Variants in ZNF638 observed in about 807,000 individuals in gnomAD.
ZNF638 encodes zinc finger protein 638, also known as CTCL tumor antigen se33-1.
A neutral mutation model predicts 195.6 loss-of-function variants in ZNF638; 46 were observed. That is an observed-to-expected ratio of 0.24 (90% confidence interval 0.19 to 0.30). ZNF638 has a LOEUF of 0.30. ZNF638 is among the 10% of genes least tolerant of loss of function. ZNF638 has a pLI of 1.00. For missense variants in ZNF638, 2,440 were observed against 2,325.3 expected, an observed-to-expected ratio of 1.05 and a Z score of -1.01; for synonymous variants, 845 against 772.0, an observed-to-expected ratio of 1.09 and a Z score of -1.57.
intron 20 of ZNF638, 156 bp from the exon 21 acceptor site, chr2:71,418,446 A>G (rs1219796830): frequency 2.4e-6 from 1 of 425,288 alleles, no homozygotes; most frequent in Non-Finnish European, 4.1e-6. Context: ...AAATTCTAGA[A>G]CCTGATAGTA....
At chr2:71,380,330 TAA>T in intron 9 of ZNF638, 50 bp downstream of exon 9, 5 of 1,369,716 alleles carry the variant, frequency 3.7e-6, no homozygotes, top group Non-Finnish European at 5.0e-6. Flanking sequence ...GCATATGACT[TAA>T]GAAATTTTAA....
chr2:71,362,188 A>G (rs2104259943), intron 3 of ZNF638, among the ~76,000 whole-genome samples: 1 of 151,978 alleles, frequency 6.6e-6, no homozygotes, highest in African/African-American at 2.4e-5. Flanking sequence ...TTGCTTCTTA[A>G]TCTTTTATTA....
At position 71,422,807 on chromosome 2, in the gene ZNF638, C is replaced by G; in HGVS notation, c.3300-7C>G. The G allele has an allele frequency of 6.2e-7, 1 of 1,602,342 alleles. No individual in the cohort carries two copies. On this transcript the variant is annotated splice_region_variant and splice_polypyrimidine_tract_variant and intron_variant, in intron 21 of 27. Coordinates refer to ENST00000264447, the MANE Select transcript of ZNF638 (RefSeq NM_014497.5). ...TGTTCTTTTTGTTTGTTTTTAAATA[C>G]TTTTAGCCCTGGCTTGAAAAACAGT...
At chr2:71,410,592 A>G (rs369548713) in intron 20 of ZNF638, among the ~76,000 whole-genome samples, 15 of 152,300 alleles carry the variant, frequency 9.8e-5, no homozygotes, top group African/African-American at 2.2e-4. Flanking sequence ...CATTGTTTCA[A>G]TGTCCTAGTT....
rs185187282 is a variant in ZNF638, at chr2:71,376,674, C to T, written c.2266-3548C>T. ...CTAGCTGTGTTTCATGTAACATCTT[C>T]TCCATTTTGCTGCTTCTATGAATCT... On this transcript the variant is annotated intron_variant, in intron 8 of 27. Coordinates refer to ENST00000264447, the MANE Select transcript of ZNF638 (RefSeq NM_014497.5). Among the ~76,000 whole-genome samples the T allele has an allele frequency of 4.6e-5, 7 of 151,406 alleles. No individual in the cohort carries two copies. The East Asian group carries it at 1.4e-3, about 30-fold the overall frequency.
At position 71,427,226 on chromosome 2, in the gene ZNF638, G is replaced by C; in HGVS notation, c.5357G>C (p.Gly1786Ala). ...GATGAAGTTGGAGAGGAGGAAGATGGAGATAATGATTTAAAAGTTGAGTTA... is the reference window on the plus strand; with the variant it reads ...GATGAAGTTGGAGAGGAGGAAGATGCAGATAATGATTTAAAAGTTGAGTTA... The part of the protein sequence containing the change: ...TVDEVGEEED[G>A]DNDLKVELAQ... The change falls in exon 24 of 28, where the codon GGA becomes GCA. Residue 1786 changes from glycine to alanine, a missense_variant. Transcript: ENST00000264447. 1 of 1,612,420 alleles carries C rather than the reference G, an allele frequency of 6.2e-7. No individual in the cohort carries two copies. The highest frequency in any genetic ancestry group is 8.5e-7 in the Non-Finnish European group (1 of 1,179,588).
chr2:71,375,422 G>A (rs982815529), intron 8 of ZNF638: 1 of 152,186 alleles, frequency 6.6e-6, no homozygotes, highest in Non-Finnish European at 1.5e-5. Context: ...ATCCTCATTT[G>A]TAAGATGGTT....
At chr2:71,414,063 C>CTCCT (rs1466930662) in intron 20 of ZNF638, among the ~76,000 whole-genome samples, 1 of 142,928 alleles carries the variant, frequency 7.0e-6, no homozygotes, top group Non-Finnish European at 1.5e-5. Flanking sequence ...GTACCAGTTC[C>CTCCT]TCCTTGTACC....
At chr2:71,352,129 A>C (rs1219437652) in intron 2 of ZNF638, among the ~76,000 whole-genome samples, 1 of 152,148 alleles carries the variant, frequency 6.6e-6, no homozygotes, top group Non-Finnish European at 1.5e-5. Flanking sequence ...AGAAGACTTC[A>C]TGGAGTAGGT....
chr2:71,418,887 T>A lies in ZNF638; in HGVS notation c.3299+248T>A, dbSNP rs2419079. 0.48 allele frequency among the ~76,000 whole-genome samples: 73,002 copies of A among 152,028 alleles called. 19,073 individuals carry two copies. Among genetic ancestry groups the A allele is most frequent in the Admixed American group, 0.62 (9,504 of 15,274 alleles). On this transcript the variant is annotated intron_variant, in intron 21 of 27. Coordinates refer to ENST00000264447, the MANE Select transcript of ZNF638 (RefSeq NM_014497.5). ...TAGAGTAACTGCGTATATAAACAGT[T>A]TGAATTAAATAAACCACTTTATAAA...
In ZNF638 at chr2:71,431,416, G is replaced by C; in HGVS notation, c.5740G>C (p.Asp1914His). The change falls in exon 26 of 28, where the codon GAT becomes CAT. Residue 1914 changes from aspartate to histidine, a missense_variant. This residue lies in a region of ZNF638 where 1,883 missense variants were observed against 1,739.1 expected (regional missense o/e 1.08). Transcript: ENST00000264447. ...DSSSGKSVASDVPEELDFLVP... is the reference protein window; with the variant it reads ...DSSSGKSVASHVPEELDFLVP... ...TTCTTCAGGCAAATCAGTGGCGTCT[G>C]ATGTCCCTGAGGGTAAAGTTAAAAT... 6.2e-7 allele frequency: 1 copy of C among 1,613,750 alleles called. No individual in the cohort carries two copies. Among genetic ancestry groups the C allele is most frequent in the Non-Finnish European group, 8.5e-7 (1 of 1,179,778 alleles).
At chr2:71,380,059 A>G in intron 8 of ZNF638, 163 bp from the exon 9 acceptor site, 1 of 448,946 alleles carries the variant, frequency 2.2e-6, no homozygotes, top group Non-Finnish European at 4.0e-6. Flanking sequence ...GATGAGATGT[A>G]AAATTAGGCT....
Position 71,388,467 on chromosome 2 carries a change from G to T in ZNF638, c.2378-7674G>T. 6 of 691,068 alleles carry T rather than the reference G, an allele frequency of 8.7e-6. No individual in the cohort carries two copies. The South Asian group carries it at 9.0e-5, about 10-fold the overall frequency. 42.8% of individuals were successfully genotyped at this position (691,068 alleles called of 1,614,324 possible). On this transcript the variant is annotated intron_variant, in intron 10 of 27. Transcript: ENST00000264447. ...TACCCACAGATTGTGTTGGCTCCAG[G>T]CCTTTGTCATTAAATCTGTACTAAA...
chr2:71,340,571 A>C (rs555165921), intron 1 of ZNF638, among the ~76,000 whole-genome samples: 3 of 152,352 alleles, frequency 2.0e-5, no homozygotes, highest in Admixed American at 6.5e-5. Context: ...AGCAGTATCA[A>C]ATGAGGTATA....
chr2:71,379,020 GT>G (rs2079486709), intron 8 of ZNF638, among the ~76,000 whole-genome samples: 1 of 152,140 alleles, frequency 6.6e-6, no homozygotes, highest in Non-Finnish European at 1.5e-5. Flanking sequence ...CTAATGAGAG[GT>G]TTTGAGTTGT....
chr2:71,383,354 T>A (rs915324601), intron 10 of ZNF638, among the ~76,000 whole-genome samples: 6 of 152,074 alleles, frequency 3.9e-5, no homozygotes, highest in South Asian at 2.1e-4. Context: ...AAGAGATAGA[T>A]TCAGAAAGGT....
intron 12 of ZNF638, 69 bp from the exon 13 acceptor site, chr2:71,399,490 C>A (rs1394321136): frequency 5.8e-6 from 6 of 1,040,650 alleles, no homozygotes; most frequent in Non-Finnish European, 7.2e-6. Context: ...TTTACTAATA[C>A]ATTAGTGTGA....
At chr2:71,380,138 T>C (rs2079510637) in intron 8 of ZNF638, 84 bp from the exon 9 acceptor site, 1 of 716,636 alleles carries the variant, frequency 1.4e-6, no homozygotes, top group Non-Finnish European at 2.2e-6. Context: ...TCCTTTAGAA[T>C]AGGAAGATTT....
At position 71,423,742 on chromosome 2, in the gene ZNF638, A is replaced by G; in HGVS notation, c.4228A>G (p.Lys1410Glu). 6.2e-7 allele frequency: 1 copy of G among 1,613,956 alleles called. No homozygotes were observed. The highest frequency in any genetic ancestry group is 8.5e-7 in the Non-Finnish European group (1 of 1,180,020). The change falls in exon 22 of 28, where the codon AAA becomes GAA. Residue 1410 changes from lysine (K) to glutamate (E), a missense_variant. Around this residue, in one of 5 missense-constraint regions of ZNF638, gnomAD observed 1,883 missense variants for 1,739.1 expected, o/e 1.08. Transcript: ENST00000264447. ...SSPKAKATVSKTENQKSFPKS... is the reference protein window; with the variant it reads ...SSPKAKATVSETENQKSFPKS... Reference sequence around the variant, plus strand: ...TCCTAAGGCAAAAGCTACAGTTTCAAAAACTGAAAATCAGAAAAGTTTTCC... The same window carrying G: ...TCCTAAGGCAAAAGCTACAGTTTCAGAAACTGAAAATCAGAAAAGTTTTCC...
Sources: allele counts gnomAD v4.1 joint callset (sites outside exome capture counted in the v4.1 genomes callset), GRCh38; gene constraint gnomAD v4.1.1; regional missense constraint gnomAD v4.1.1; transcripts MANE v1.5; gene names NCBI Gene and HGNC (gene_info 2026-07-23, HGNC 2026-07-21).